TAFA1: variants seen among roughly 807,000 people sequenced by gnomAD.
TAFA1 encodes chemokine-like protein TAFA-1.
Under a neutral mutation model 18.5 loss-of-function variants are expected in TAFA1, and 4 were observed. The ratio of observed to expected loss-of-function variants is 0.22; its 90% CI spans 0.11 to 0.49. TAFA1 has a LOEUF of 0.49. Among genes scored for constraint, TAFA1 ranks in the 20% least tolerant of loss-of-function variants. The pLI, the probability that TAFA1 is intolerant of heterozygous loss-of-function variation, is 0.98. For synonymous variants in TAFA1, 56 were observed against 55.2 expected (o/e 1.01, Z -0.06); for missense variants, 147 against 169.0 (o/e 0.87, Z 0.72).
At chr3:68,492,802 G>T (rs2072476836) in intron 3 of TAFA1, among the ~76,000 whole-genome samples, 1 of 152,058 alleles carries the variant, frequency 6.6e-6, no homozygotes. Context: ...CAAAATCTCT[G>T]TGAGTTCAGC....
intron 3 of TAFA1, among the ~76,000 whole-genome samples, chr3:68,483,997 A>G (rs776661465): frequency 6.6e-6 from 1 of 152,238 alleles, no homozygotes; most frequent in Non-Finnish European, 1.5e-5. Context: ...ACACTGTCCA[A>G]TGACAATACA....
chr3:68,324,044 A>T (rs1051890616), intron 2 of TAFA1, among the ~76,000 whole-genome samples: 2 of 152,178 alleles, frequency 1.3e-5, no homozygotes, highest in Non-Finnish European at 2.9e-5. Context: ...AGCCTCCACC[A>T]TCTCCAAATT....
At chr3:68,306,154 G>A (rs2068416984) in intron 2 of TAFA1, among the ~76,000 whole-genome samples, 1 of 152,200 alleles carries the variant, frequency 6.6e-6, no homozygotes, top group South Asian at 2.1e-4. Flanking sequence ...GGAAGATCAG[G>A]TGTTAGGAGA....
intron 2 of TAFA1, among the ~76,000 whole-genome samples, chr3:68,309,965 T>G (rs1007999978): frequency 6.6e-6 from 1 of 152,254 alleles, no homozygotes; most frequent in Non-Finnish European, 1.5e-5. Context: ...ATGGCACTTT[T>G]GTGCAAATTG....
At chr3:68,121,872 C>A (rs1389821112) in intron 2 of TAFA1, among the ~76,000 whole-genome samples, 1 of 152,032 alleles carries the variant, frequency 6.6e-6, no homozygotes, top group African/African-American at 2.4e-5. Flanking sequence ...GGAATGAGTT[C>A]TGTAATTTTG....
rs116821259 is a variant in TAFA1, at chr3:68,296,809, C to T, written c.119-120471C>T. ...ATACAGACATGGCTGCTACCCTTAA[C>T]GAGCTTGTTATCACTGGGGAGACCT... On this transcript the variant is annotated intron_variant, in intron 2 of 4. Transcript: ENST00000478136. Among the ~76,000 whole-genome samples the T allele has an allele frequency of 1.9e-3, 294 of 152,228 alleles. 1 individual carries two copies. The highest frequency in any genetic ancestry group is 3.4e-3 in the Middle Eastern group (1 of 294).
intron 2 of TAFA1, among the ~76,000 whole-genome samples, chr3:68,087,592 TTC>T (rs2064986424): frequency 1.5e-5 from 2 of 135,734 alleles, no homozygotes; most frequent in South Asian, 2.7e-4. Flanking sequence ...CCTTCCTTCC[TTC>T]CATTCTTCCT....
At chr3:68,257,689 C>T (rs866826788) in intron 2 of TAFA1, among the ~76,000 whole-genome samples, 2 of 152,094 alleles carry the variant, frequency 1.3e-5, no homozygotes, top group East Asian at 3.9e-4. Flanking sequence ...CTGTTACATC[C>T]TCTAAAAAGT....
intron 2 of TAFA1, among the ~76,000 whole-genome samples, chr3:68,141,820 T>C (rs1177132985): frequency 6.6e-6 from 1 of 152,198 alleles, no homozygotes; most frequent in Non-Finnish European, 1.5e-5. Context: ...TCCACTGCGC[T>C]TCTCATCTCT....
In TAFA1 at chr3:68,426,853, G is replaced by T. The variant is rs992474403; in HGVS notation, c.259+9433G>T. Among the ~76,000 whole-genome samples, 19 of 151,842 alleles carry T rather than the reference G, an allele frequency of 1.3e-4. No individual in the cohort carries two copies. The South Asian group carries it at 1.5e-3, about 12-fold the overall frequency. ...TCTCTGCATTTTCTCAACAGGATCAGATTCATGACTGTGGGTATCATCTAA... is the reference window on the plus strand; with the variant it reads ...TCTCTGCATTTTCTCAACAGGATCATATTCATGACTGTGGGTATCATCTAA... On this transcript the variant is annotated intron_variant, in intron 3 of 4. Transcript: ENST00000478136.
At chr3:68,416,878 C>A (rs1369792855) in intron 2 of TAFA1, among the ~76,000 whole-genome samples, 2 of 152,296 alleles carry the variant, frequency 1.3e-5, no homozygotes, top group African/African-American at 2.4e-5. Context: ...GGCACTGTAG[C>A]TTCTGTATCA....
chr3:68,043,174 T>C (rs1705202406), intron 2 of TAFA1, among the ~76,000 whole-genome samples: 1 of 152,136 alleles, frequency 6.6e-6, no homozygotes, highest in South Asian at 2.1e-4. Context: ...GCCCAGCCTA[T>C]ATTATGCCAT....
chr3:68,400,882 C>T (rs547862787), intron 2 of TAFA1, among the ~76,000 whole-genome samples: 10 of 152,214 alleles, frequency 6.6e-5, no homozygotes, highest in Admixed American at 3.3e-4. Flanking sequence ...ATACCATTGA[C>T]GAGAACTGTG....
At chr3:68,461,353 G>A (rs1238857133) in intron 3 of TAFA1, among the ~76,000 whole-genome samples, 1 of 74,278 alleles carries the variant, frequency 1.3e-5, no homozygotes, top group Non-Finnish European at 2.4e-5. Flanking sequence ...CCAGGCCAAT[G>A]AAAGTGCATA....
intron 2 of TAFA1, among the ~76,000 whole-genome samples, chr3:68,312,649 AT>A (rs1202202167): frequency 3.3e-5 from 5 of 152,176 alleles, no homozygotes; most frequent in African/African-American, 9.7e-5. Flanking sequence ...CACTATGAGC[AT>A]TTTGGGAAAA....
chr3:68,276,962 T>C (rs2107246881), intron 2 of TAFA1, among the ~76,000 whole-genome samples: 1 of 152,254 alleles, frequency 6.6e-6, no homozygotes, highest in South Asian at 2.1e-4. Flanking sequence ...TATAGTCAAG[T>C]ATACAAGAGG....
chr3:68,347,191 G>A (rs1264183082), intron 2 of TAFA1, among the ~76,000 whole-genome samples: 1 of 152,118 alleles, frequency 6.6e-6, no homozygotes, highest in African/African-American at 2.4e-5. Context: ...GTTTCTGAAT[G>A]ATTTTGCTTC....
At position 68,114,791 on chromosome 3, in the gene TAFA1, TAACAC is replaced by T. The variant is rs569425654; in HGVS notation, c.118+108051_118+108055del. Among the ~76,000 whole-genome samples, 26 of 152,272 alleles carry T rather than the reference TAACAC, an allele frequency of 1.7e-4. No individual in the cohort carries two copies. In the South Asian group the frequency reaches 5.2e-3, roughly 30 times the overall value. On this transcript the variant is annotated intron_variant, in intron 2 of 4. Transcript: ENST00000478136. ...GTATTATTTATAATAGCCCTAAACT[TAACAC>T]AACTTAAATGTCCATCAATTGTAAA...
At chr3:68,263,654 G>C (rs1486894496) in intron 2 of TAFA1, among the ~76,000 whole-genome samples, 2 of 151,974 alleles carry the variant, frequency 1.3e-5, no homozygotes, top group African/African-American at 4.8e-5. Context: ...AGTGAGTGGA[G>C]GGGCGGGGGG....
Sources: gnomAD v4.1 joint callset for allele counts (sites outside exome capture counted in the v4.1 genomes callset) on GRCh38, gnomAD v4.1.1 for gene constraint, MANE v1.5 for transcripts, NCBI Gene and HGNC (gene_info 2026-07-23, HGNC 2026-07-21) for gene names.